Variants in PPP2R5D observed in about 807,000 individuals in gnomAD.
The protein encoded by PPP2R5D is protein phosphatase 2 regulatory subunit B'delta.
A neutral mutation model predicts 79.1 loss-of-function variants in PPP2R5D; 12 were observed. That is an observed-to-expected ratio of 0.15 (90% CI 0.10 to 0.25). The LOEUF is 0.25. Ranked by LOEUF, PPP2R5D falls within the 10% of genes least tolerant of loss-of-function variation. The pLI is 1.00. For missense variants in PPP2R5D, 419 were observed against 760.2 expected (o/e 0.55, Z 5.28); for synonymous variants, 277 against 286.6 (o/e 0.97, Z 0.34).
intron 2 of PPP2R5D, among the ~76,000 whole-genome samples, chr6:43,001,737 A>G (rs1320905847): frequency 6.6e-6 from 1 of 151,898 alleles, no homozygotes; most frequent in Non-Finnish European, 1.5e-5. Context: ...ACGACAAAAA[A>G]TTAGCCGGGC....
At chr6:43,011,064 G>T in intron 15 of PPP2R5D, 67 bp downstream of exon 15, 5 of 1,609,918 alleles carry the variant, frequency 3.1e-6, no homozygotes, top group Non-Finnish European at 3.4e-6. Flanking sequence ...GACAGAAACA[G>T]CAGAGCCAAA....
chr6:43,000,847 TCAAC>T (rs1178351217), intron 2 of PPP2R5D, among the ~76,000 whole-genome samples: 1 of 152,222 alleles, frequency 6.6e-6, no homozygotes, highest in East Asian at 1.9e-4. Flanking sequence ...TGGCTCCTGG[TCAAC>T]CAACCAACCA....
Position 43,008,500 on chromosome 6 carries a change from G to C in PPP2R5D, c.1026+25G>C. On this transcript the variant is annotated intron_variant, in intron 9 of 15. Transcript: ENST00000485511. The surrounding 1 kb of genome is among the most constrained non-coding windows in gnomAD (Gnocchi z 4.2). ...GGTGAGCTGCCTTCCTCCTTATAAT[G>C]TCCAACTCAGGCAGCAGAGAAAAGA... is the stretch of plus-strand genomic sequence containing the variant. 1 of 1,575,964 alleles carries C rather than the reference G, an allele frequency of 6.3e-7. No individual in the cohort carries two copies.
At chr6:42,990,242 C>T (rs1771164106) in intron 2 of PPP2R5D, among the ~76,000 whole-genome samples, 1 of 152,186 alleles carries the variant, frequency 6.6e-6, no homozygotes, top group Non-Finnish European at 1.5e-5. Context: ...GAGGGAGAGA[C>T]TTAAGGAAGT....
chr6:43,000,564 A>T (rs1303200936), intron 2 of PPP2R5D, among the ~76,000 whole-genome samples: 2 of 152,156 alleles, frequency 1.3e-5, no homozygotes, highest in African/African-American at 4.8e-5. Context: ...AGCAGAAAAC[A>T]TTGAGGCCTT....
At position 43,011,327 on chromosome 6, in the gene PPP2R5D, C is replaced by G; in HGVS notation, c.*41C>G. 1 of 1,611,650 alleles carries G rather than the reference C, an allele frequency of 6.2e-7. No homozygotes were observed. On this transcript the variant is annotated 3_prime_UTR_variant, in exon 16 of 16. Transcript: ENST00000485511. ...CCACAGGGCCACAGCCCACACAGCC[C>G]TGGGACACTGCCCTGGCCCTCCATA...
At chr6:43,003,663 A>T (rs991781778) in intron 2 of PPP2R5D, among the ~76,000 whole-genome samples, 1 of 151,662 alleles carries the variant, frequency 6.6e-6, no homozygotes, top group African/African-American at 2.4e-5. Context: ...GGTTCTGTGC[A>T]TGTGTTTTAA....
At chr6:43,001,963 C>T (rs140681847) in intron 2 of PPP2R5D, among the ~76,000 whole-genome samples, 1 of 149,664 alleles carries the variant, frequency 6.7e-6, no homozygotes, top group Non-Finnish European at 1.5e-5. Flanking sequence ...TTCTTTAGTG[C>T]GAGGAACTGT....
Position 43,007,619 on chromosome 6 carries a change from G to A in PPP2R5D, c.726+113G>A. The A allele has an allele frequency of 3.7e-6, 4 of 1,072,848 alleles. No homozygotes were observed. The highest frequency in any genetic ancestry group is 5.6e-6 in the Non-Finnish European group (4 of 713,106). The allele number at this position is 1,072,848 out of a possible 1,614,324, so 66.5% of individuals were successfully genotyped here. The stretch of plus-strand genomic sequence containing the variant: ...AATATATTGGGTTTCATCCATGTCT[G>A]GTACGAGGAGGCTATAAAGGGTAAA... On this transcript the variant is annotated intron_variant, in intron 6 of 15. Transcript: ENST00000485511. The surrounding 1 kb of genome is among the most constrained non-coding windows in gnomAD (Gnocchi z 4.5).
In PPP2R5D at chr6:43,009,209, C is replaced by A. The variant is rs746587804; in HGVS notation, c.1233C>A (p.Val411=). The change falls in exon 11 of 16, where the codon GTC becomes GTA. Residue 411 remains valine, a synonymous_variant. Coordinates refer to ENST00000485511, the MANE Select transcript of PPP2R5D (RefSeq NM_006245.4). This position sits in a 1 kb window ranked among gnomAD's most constrained non-coding sequence, Gnocchi z 5.6. ...TCTTCCGCCAGCTGGCCAAGTGTGTCTCTAGCCCCCATTTCCAGGTGAGAC... is the reference window on the plus strand; with the variant it reads ...TCTTCCGCCAGCTGGCCAAGTGTGTATCTAGCCCCCATTTCCAGGTGAGAC... ...EPLFRQLAKC[V]SSPHFQVAER... is the part of the protein sequence containing the mutation. 1 of 1,614,154 alleles carries A rather than the reference C, an allele frequency of 6.2e-7. No individual in the cohort carries two copies. The highest frequency in any genetic ancestry group is 8.5e-7 in the Non-Finnish European group (1 of 1,180,026).
Position 43,010,237 on chromosome 6 carries a change from G to C in PPP2R5D, c.1380-231G>C, listed in dbSNP as rs567989671. On this transcript the variant is annotated intron_variant, in intron 12 of 15. Transcript: ENST00000485511. This position sits in a 1 kb window ranked among gnomAD's most constrained non-coding sequence, Gnocchi z 4.7. ...AGGTAGGCAGGCCTTGGAGCATGGG[G>C]TGAGGGAAGGATGGACAGGTGGACC... 1.3e-5 allele frequency among the ~76,000 whole-genome samples: 2 copies of C among 152,182 alleles called. No individual in the cohort carries two copies. Among genetic ancestry groups the C allele is most frequent in the East Asian group, 1.9e-4 (1 of 5,194 alleles).
At chr6:42,984,798 C>A in intron 1 of PPP2R5D, 94 bp downstream of exon 1, 1 of 1,557,936 alleles carries the variant, frequency 6.4e-7, no homozygotes, top group Admixed American at 1.9e-5. Flanking sequence ...CCCAGACTGA[C>A]CCTCCCGTCC....
chr6:42,990,125 C>G (rs1172005909), intron 2 of PPP2R5D, among the ~76,000 whole-genome samples: 1 of 152,148 alleles, frequency 6.6e-6, no homozygotes, highest in Non-Finnish European at 1.5e-5. Context: ...GCCCTTGGTC[C>G]TGATTGAATG....
chr6:43,002,069 T>G (rs1772257583), intron 2 of PPP2R5D, among the ~76,000 whole-genome samples: 1 of 152,064 alleles, frequency 6.6e-6, no homozygotes, highest in African/African-American at 2.4e-5. Flanking sequence ...TGGATATTAC[T>G]CAGCTAATAA....
At chr6:42,993,222 A>G (rs1446201091) in intron 2 of PPP2R5D, among the ~76,000 whole-genome samples, 3 of 152,004 alleles carry the variant, frequency 2.0e-5, no homozygotes, top group Admixed American at 1.3e-4. Flanking sequence ...GCTTGAACCC[A>G]AGAGCCGGAG....
At chr6:42,999,887 C>T (rs1194389123) in intron 2 of PPP2R5D, among the ~76,000 whole-genome samples, 1 of 151,884 alleles carries the variant, frequency 6.6e-6, no homozygotes, top group African/African-American at 2.4e-5. Flanking sequence ...ACCCCCTGTT[C>T]TCTCTAAACC....
chr6:43,012,082 C>T lies in PPP2R5D; in HGVS notation c.*796C>T, dbSNP rs1039975849. The T allele has an allele frequency of 1.6e-5, 8 of 498,756 alleles. No individual in the cohort carries two copies. Among genetic ancestry groups the T allele is most frequent in the Non-Finnish European group, 2.1e-5 (8 of 383,184 alleles). The allele number at this position is 498,756 out of a possible 1,614,324, so 30.9% of individuals were successfully genotyped here. ...GAAAGAAGGAAGCAGGGAGCGGTGC[C>T]CCAAGCATGGCTCCTGCCAACACCT... is the stretch of plus-strand genomic sequence containing the variant. On this transcript the variant is annotated 3_prime_UTR_variant, in exon 16 of 16. Coordinates refer to ENST00000485511, the MANE Select transcript of PPP2R5D (RefSeq NM_006245.4).
At position 43,012,315 on chromosome 6, in the gene PPP2R5D, A is replaced by G; in HGVS notation, c.*1029A>G. 1.4e-6 allele frequency: 2 copies of G among 1,454,130 alleles called. No individual in the cohort carries two copies. Among genetic ancestry groups the G allele is most frequent in the Non-Finnish European group, 1.8e-6 (2 of 1,104,354 alleles). 90.1% of individuals were successfully genotyped at this position (1,454,130 alleles called of 1,614,324 possible). ...CTTGGACCGATGTCCCCATATGTAC[A>G]GAACTGAATAAAGTGGGTCTCTGAG... is the stretch of plus-strand genomic sequence containing the variant. On this transcript the variant is annotated 3_prime_UTR_variant, in exon 16 of 16. Transcript: ENST00000485511.
At chr6:42,998,015 T>TATA (rs1771842259) in intron 2 of PPP2R5D, among the ~76,000 whole-genome samples, 19 of 32,344 alleles carry the variant, frequency 5.9e-4, no homozygotes, top group South Asian at 1.3e-3. Context: ...TGGGTTTTAT[T>TATA]TATATATATA....
Sources: allele counts gnomAD v4.1 joint callset (sites outside exome capture counted in the v4.1 genomes callset), GRCh38; gene constraint gnomAD v4.1.1; non-coding constraint Gnocchi (gnomAD v3.1); transcripts MANE v1.5; gene names NCBI Gene and HGNC (gene_info 2026-07-23, HGNC 2026-07-21).